Variants in WWOX observed in about 807,000 individuals in gnomAD.
WWOX encodes the protein WW domain-containing oxidoreductase.
WWOX carries 69 observed loss-of-function variants against 46.2 expected under a neutral mutation model. The observed-to-expected ratio is 1.49, with a 90% CI of 1.23 to 1.82. WWOX has a LOEUF of 1.82. Among genes scored for constraint, WWOX ranks in the 40% most tolerant of loss-of-function variants. The pLI is 0.00. For missense variants in WWOX, 919 were observed against 542.6 expected, an observed-to-expected ratio of 1.69 and a Z score of -6.89; for synonymous variants, 359 against 202.6, an observed-to-expected ratio of 1.77 and a Z score of -6.56.
chr16:78,181,414 C>T (rs896378273), intron 5 of WWOX, among the ~76,000 whole-genome samples: 18 of 152,198 alleles, frequency 1.2e-4, no homozygotes, highest in Non-Finnish European at 2.4e-4. Context: ...TAAATCTCTT[C>T]GTGAGCTCTG....
intron 8 of WWOX, among the ~76,000 whole-genome samples, chr16:78,614,355 A>G (rs576500005): frequency 1.3e-5 from 2 of 152,374 alleles, no homozygotes; most frequent in African/African-American, 4.8e-5. Context: ...TGTTTTTGGT[A>G]AAATCATGCT....
At chr16:79,156,373 C>G (rs2050381829) in intron 8 of WWOX, among the ~76,000 whole-genome samples, 1 of 152,198 alleles carries the variant, frequency 6.6e-6, no homozygotes, top group Non-Finnish European at 1.5e-5. Context: ...GCTGCTCAAG[C>G]TATTCTCGAA....
At chr16:79,052,206 C>A (rs766913846) in intron 8 of WWOX, among the ~76,000 whole-genome samples, 6 of 146,172 alleles carry the variant, frequency 4.1e-5, no homozygotes, top group Non-Finnish European at 7.5e-5. Context: ...CACCCCACCA[C>A]AGTCCCCAGA....
chr16:78,953,962 C>G (rs568137624), intron 8 of WWOX, among the ~76,000 whole-genome samples: 1 of 152,204 alleles, frequency 6.6e-6, no homozygotes, highest in Non-Finnish European at 1.5e-5. Flanking sequence ...ATCCAAGTCC[C>G]TGTGCAAGAT....
rs2046582850 is a variant in WWOX at position 78,976,861 on chromosome 16, G to C, written c.1057-234747G>C. Among the ~76,000 whole-genome samples, 3 of 152,172 alleles carry C rather than the reference G, an allele frequency of 2.0e-5. No homozygotes were observed. In the South Asian group the frequency reaches 6.2e-4, roughly 32 times the overall value. On this transcript the variant is annotated intron_variant, in intron 8 of 8. Coordinates refer to ENST00000566780, the MANE Select transcript of WWOX (RefSeq NM_016373.4). ...TTGCAAACATGGAGGGCAGAGGTTT[G>C]ATAGCATCCAAAGTATGCACGCCGC...
intron 8 of WWOX, among the ~76,000 whole-genome samples, chr16:78,495,590 C>A (rs1317291403): frequency 1.3e-5 from 2 of 150,694 alleles, no homozygotes; most frequent in African/African-American, 2.5e-5. Flanking sequence ...CTCACTGCAA[C>A]CTCCACCTCC....
At chr16:78,433,398 C>T in intron 8 of WWOX, among the ~76,000 whole-genome samples, 1 of 152,136 alleles carries the variant, frequency 6.6e-6, no homozygotes, top group East Asian at 1.9e-4. Flanking sequence ...TAAGAACCTT[C>T]TTCTATGAAA....
At chr16:78,875,239 C>T (rs898747771) in intron 8 of WWOX, among the ~76,000 whole-genome samples, 2 of 152,118 alleles carry the variant, frequency 1.3e-5, no homozygotes, top group Non-Finnish European at 1.5e-5. Context: ...GGATGTTCAC[C>T]GCTTCTTTAG....
chr16:78,683,978 C>G (rs1308613830), intron 8 of WWOX, among the ~76,000 whole-genome samples: 2 of 152,194 alleles, frequency 1.3e-5, no homozygotes, highest in Non-Finnish European at 2.9e-5. Context: ...CGATCCCCTC[C>G]TGCACAACTG....
At chr16:78,931,280 A>G (rs986332388) in intron 8 of WWOX, among the ~76,000 whole-genome samples, 1 of 152,174 alleles carries the variant, frequency 6.6e-6, no homozygotes, top group Admixed American at 6.5e-5. Flanking sequence ...TGCTCTAGGA[A>G]TGGTAAGAGA....
intron 7 of WWOX, among the ~76,000 whole-genome samples, 197 bp downstream of exon 7, chr16:78,425,252 G>C (rs975661908): frequency 6.6e-6 from 1 of 152,074 alleles, no homozygotes; most frequent in Non-Finnish European, 1.5e-5. Context: ...GGACTTTCTA[G>C]AGCAAGGAAG....
chr16:78,405,689 C>T (rs1299284664), intron 6 of WWOX, among the ~76,000 whole-genome samples: 1 of 152,160 alleles, frequency 6.6e-6, no homozygotes, highest in Non-Finnish European at 1.5e-5. Flanking sequence ...TTTGAGAAAA[C>T]AGGAAATATC....
intron 5 of WWOX, among the ~76,000 whole-genome samples, chr16:78,338,472 ATTG>A (rs1226943812): frequency 8.3e-6 from 1 of 121,052 alleles, no homozygotes; most frequent in African/African-American, 2.8e-5. Flanking sequence ...TTGTTTTATT[ATTG>A]TTATCTTTAT....
At chr16:78,925,018 A>T (rs2045465992) in intron 8 of WWOX, among the ~76,000 whole-genome samples, 1 of 152,092 alleles carries the variant, frequency 6.6e-6, no homozygotes, top group African/African-American at 2.4e-5. Flanking sequence ...AACATGGCAA[A>T]ACCCTGTCTC....
At chr16:78,193,767 G>C (rs997063593) in intron 5 of WWOX, among the ~76,000 whole-genome samples, 18 of 151,916 alleles carry the variant, frequency 1.2e-4, no homozygotes, top group Middle Eastern at 3.2e-3. Context: ...TGAATTGTTG[G>C]AGGGTGGATG....
rs970751340 is a variant in WWOX, at chr16:79,061,083, C to G, written c.1057-150525C>G. Among the ~76,000 whole-genome samples, 5 of 152,154 alleles carry G rather than the reference C, an allele frequency of 3.3e-5. 1 individual carries two copies. Among genetic ancestry groups the G allele is most frequent in the Admixed American group, 2.6e-4 (4 of 15,276 alleles). ...ACACAGCCTCTCGAAGGGACGTGCCCCTTGAACGCAAGAGAGGTACATTGG... is the reference window on the plus strand; with the variant it reads ...ACACAGCCTCTCGAAGGGACGTGCCGCTTGAACGCAAGAGAGGTACATTGG... On this transcript the variant is annotated intron_variant, in intron 8 of 8. Transcript: ENST00000566780.
chr16:78,207,211 C>T (rs2036422601), intron 5 of WWOX, among the ~76,000 whole-genome samples: 1 of 152,156 alleles, frequency 6.6e-6, no homozygotes, highest in African/African-American at 2.4e-5. Flanking sequence ...CTACTCTATC[C>T]CAGGCAGATG....
intron 8 of WWOX, among the ~76,000 whole-genome samples, chr16:78,663,832 G>T (rs1046309969): frequency 1.3e-5 from 2 of 152,216 alleles, no homozygotes; most frequent in Non-Finnish European, 2.9e-5. Flanking sequence ...CACAGGTGCA[G>T]CAAGTGCAAA....
At chr16:78,481,147 G>A (rs1368221033) in intron 8 of WWOX, among the ~76,000 whole-genome samples, 1 of 152,184 alleles carries the variant, frequency 6.6e-6, no homozygotes, top group Non-Finnish European at 1.5e-5. Context: ...TACCATTCCT[G>A]GAGGTAGTAG....
Sources: gnomAD v4.1 joint callset for allele counts (sites outside exome capture counted in the v4.1 genomes callset) on GRCh38, gnomAD v4.1.1 for gene constraint, MANE v1.5 for transcripts, NCBI Gene and HGNC (gene_info 2026-07-23, HGNC 2026-07-21) for gene names.